Variants in ARL10 observed in about 807,000 individuals in gnomAD.
ARL10 encodes the protein ADP-ribosylation factor-like protein 10.
Under a neutral mutation model 26.1 loss-of-function variants are expected in ARL10, and 23 were observed. That is an observed-to-expected ratio of 0.88 (90% CI 0.63 to 1.25). The LOEUF (loss-of-function observed/expected upper bound fraction) is 1.25, where lower values mean the gene tolerates loss of function less well. Among genes scored for constraint, ARL10 ranks in the 50% most tolerant of loss-of-function variants. The pLI is 0.00. For missense variants in ARL10, 300 were observed against 323.6 expected (o/e 0.93, Z 0.56); for synonymous variants, 138 against 149.1 (o/e 0.93, Z 0.54).
At chr5:176,389,859 T>C, downstream of ARL10, 1 of 176,958 alleles carries the variant, frequency 5.7e-6, no homozygotes, top group Non-Finnish European at 1.2e-5. Context: ...TCCCGAACTT[T>C]CCTAGTAACA....
the ARL10 span, chr5:176,410,455 T>G: frequency 3.2e-6 from 2 of 616,098 alleles, no homozygotes; most frequent in African/African-American, 3.7e-5. Context: ...ATATATAACT[T>G]AGGCTCAATC....
At chr5:176,411,048 G>A in the ARL10 span, among the ~76,000 whole-genome samples, 1 of 152,206 alleles carries the variant, frequency 6.6e-6, no homozygotes, top group Non-Finnish European at 1.5e-5. Flanking sequence ...CAACTGCTTT[G>A]CCCGCTAGGG....
At chr5:176,406,485 C>T, downstream of ARL10, 1 of 1,199,724 alleles carries the variant, frequency 8.3e-7, no homozygotes, top group East Asian at 6.4e-5. Flanking sequence ...TAAATCTAAG[C>T]TAAGCTGAGC....
intron 1 of ARL10, among the ~76,000 whole-genome samples, chr5:176,399,878 A>AG (rs199502774): frequency 1.9e-5 from 2 of 107,132 alleles, no homozygotes; most frequent in Non-Finnish European, 4.3e-5. Context: ...ACTTGGTCTC[A>AG]AAAAAAAAAA....
Position 176,366,373 on chromosome 5 carries a change from C to G in ARL10, c.184-7C>G, listed in dbSNP as rs148180568. On this transcript the variant is annotated splice_polypyrimidine_tract_variant and splice_region_variant and intron_variant, in intron 1 of 3. Coordinates refer to ENST00000310389, the MANE Select transcript of ARL10 (RefSeq NM_173664.6). ...CCAGCCGCAACCTTACCTCCGCTTC[C>G]CCGCAGCCCGAGGACGAGGAGGACG... 8.1e-6 allele frequency: 13 copies of G among 1,604,352 alleles called. No homozygotes were observed. Among genetic ancestry groups the G allele is most frequent in the Non-Finnish European group, 1.1e-5 (13 of 1,178,242 alleles).
In ARL10 at chr5:176,373,173, C is replaced by T. The variant is rs771728025; in HGVS notation, c.*1278C>T. 2.0e-5 allele frequency: 8 copies of T among 397,070 alleles called. No individual in the cohort carries two copies. Among genetic ancestry groups the T allele is most frequent in the Non-Finnish European group, 3.1e-5 (7 of 225,686 alleles). 24.6% of individuals were successfully genotyped at this position (397,070 alleles called of 1,614,324 possible). A position where few individuals can be genotyped will look rare whatever the true frequency, so the allele number is the denominator to read the frequency against. On this transcript the variant is annotated 3_prime_UTR_variant, in exon 4 of 4. Transcript: ENST00000310389. ...AAATTGTATTATGTGATCCTAAGGACAGGAATAGCAGACCAGCCAACGGGA... is the reference window on the plus strand; with the variant it reads ...AAATTGTATTATGTGATCCTAAGGATAGGAATAGCAGACCAGCCAACGGGA...
At chr5:176,369,220 AGGCAT>A (rs1314811165) in intron 3 of ARL10, 1 of 1,496,214 alleles carries the variant, frequency 6.7e-7, no homozygotes, top group East Asian at 2.6e-5. Flanking sequence ...CCTATATGCC[AGGCAT>A]GGTGTTTTGT....
In ARL10 at chr5:176,378,354, A is replaced by G. The variant is rs1561777088; in HGVS notation, c.*6459A>G. 1.3e-5 allele frequency: 2 copies of G among 152,226 alleles called. No homozygotes were observed. The highest frequency in any genetic ancestry group is 2.4e-5 in the African/African-American group (1 of 41,462). The allele number at this position is 152,226 out of a possible 1,614,324, so 9.4% of individuals were successfully genotyped here. A position where few individuals can be genotyped will look rare whatever the true frequency, so the allele number is the denominator to read the frequency against. ...TTCAGCTTTCCATGTATGGGCTTCA[A>G]TCTTATAAGAATTTGTTATTTATTT... On this transcript the variant is annotated 3_prime_UTR_variant, in exon 4 of 4. Coordinates refer to ENST00000310389, the MANE Select transcript of ARL10 (RefSeq NM_173664.6).
At chr5:176,403,598 C>T (rs527848510), downstream of ARL10, among the ~76,000 whole-genome samples, 8 of 151,898 alleles carry the variant, frequency 5.3e-5, no homozygotes, top group South Asian at 1.7e-3. Flanking sequence ...AGATTACAGG[C>T]GCCCACGACC....
rs1304324546 is a variant in ARL10 at position 176,377,313 on chromosome 5, G to A, written c.*5418G>A. ...CCTTTCCAGAAGACTGAGGGTGAAA[G>A]GGACAATGGTAGTACCACTGTGTTT... On this transcript the variant is annotated 3_prime_UTR_variant, in exon 4 of 4. Coordinates refer to ENST00000310389, the MANE Select transcript of ARL10 (RefSeq NM_173664.6). The surrounding 1 kb of genome is among the most constrained non-coding windows in gnomAD (Gnocchi z 4.5). The A allele has an allele frequency of 1.3e-5, 2 of 152,188 alleles. No individual in the cohort carries two copies. Among genetic ancestry groups the A allele is most frequent in the African/African-American group, 2.4e-5 (1 of 41,448 alleles). The allele number at this position is 152,188 out of a possible 1,614,324, so 9.4% of individuals were successfully genotyped here.
downstream of ARL10, chr5:176,406,706 G>C (rs773395149): frequency 7.8e-7 from 1 of 1,286,216 alleles, no homozygotes; most frequent in South Asian, 1.2e-5. Flanking sequence ...GGTGGTGCAC[G>C]GGCTGCAGAA....
At chr5:176,383,812 C>T (rs1346517708), downstream of ARL10, 16 of 636,148 alleles carry the variant, frequency 2.5e-5, no homozygotes, top group Admixed American at 2.7e-4. Flanking sequence ...GGCCAGAGGC[C>T]GTGCCTAGAA....
chr5:176,385,358 G>T, downstream of ARL10: 2 of 1,302,906 alleles, frequency 1.5e-6, no homozygotes, highest in Non-Finnish European at 2.2e-6. Context: ...GGGAGACAGG[G>T]AATGAGGCTT....
At chr5:176,396,933 A>G (rs1756552165) in intron 1 of ARL10, among the ~76,000 whole-genome samples, 1 of 151,966 alleles carries the variant, frequency 6.6e-6, no homozygotes, top group African/African-American at 2.4e-5. Flanking sequence ...CAGGTCTAGA[A>G]TGCCCCCCTA....
chr5:176,385,525 T>C (rs993160519), downstream of ARL10, among the ~76,000 whole-genome samples: 7 of 152,192 alleles, frequency 4.6e-5, no homozygotes, highest in Admixed American at 3.3e-4. Flanking sequence ...CTGTCTCCTA[T>C]GACCCACTCA....
intron 3 of ARL10, among the ~76,000 whole-genome samples, chr5:176,371,313 G>T (rs900563360): frequency 6.6e-6 from 1 of 152,230 alleles, no homozygotes; most frequent in Non-Finnish European, 1.5e-5. Flanking sequence ...ACCACAGGAG[G>T]TGGAGGTTGC....
chr5:176,400,218 A>G (rs548959331), intron 1 of ARL10, among the ~76,000 whole-genome samples: 4 of 152,086 alleles, frequency 2.6e-5, no homozygotes, highest in African/African-American at 9.6e-5. Flanking sequence ...AGAAAGAAAG[A>G]AAGAAAGAAA....
exon 2 of ARL10, chr5:176,401,862 C>T (rs1389749368): frequency 4.5e-6 from 2 of 440,434 alleles, no homozygotes; most frequent in Non-Finnish European, 9.2e-6. Context: ...CAGGGCCTGT[C>T]ATCACAATCT....
chr5:176,382,019 G>A (rs1229172565), downstream of ARL10: 1 of 152,258 alleles, frequency 6.6e-6, no homozygotes, highest in Non-Finnish European at 1.5e-5. Context: ...ACAGAATGTA[G>A]GTGTCCTAGA....
Sources: gnomAD v4.1 joint callset for allele counts (sites outside exome capture counted in the v4.1 genomes callset) on GRCh38, gnomAD v4.1.1 for gene constraint, Gnocchi (gnomAD v3.1) non-coding constraint, MANE v1.5 for transcripts, NCBI Gene and HGNC (gene_info 2026-07-23, HGNC 2026-07-21) for gene names.